The following SMARCA2 variants were observed in gnomAD, a reference collection of about 807,000 sequenced individuals.
SMARCA2 encodes the protein SWI/SNF-related matrix-associated actin-dependent regulator of chromatin subfamily A member 2.
Under a neutral mutation model 199.8 loss-of-function variants are expected in SMARCA2, and 61 were observed. The ratio of observed to expected loss-of-function variants is 0.31; its 90% CI spans 0.25 to 0.38. The LOEUF is 0.38. Ranked by LOEUF, SMARCA2 falls within the 10% of genes least tolerant of loss-of-function variation. The pLI is 1.00. For missense variants in SMARCA2, 1,344 were observed against 2,012.2 expected (o/e 0.67, Z 6.35); for synonymous variants, 935 against 732.0 (o/e 1.28, Z -4.48).
In SMARCA2 at chr9:2,163,361, C is replaced by T. The variant is rs149415952; in HGVS notation, c.4199+1458C>T. ...CCCCATTCTCTTGGGTTTGGACCAACGGTTCATTAATGAAGGGGAATGACA... is the reference window on the plus strand; with the variant it reads ...CCCCATTCTCTTGGGTTTGGACCAATGGTTCATTAATGAAGGGGAATGACA... On this transcript the variant is annotated intron_variant, in intron 28 of 33. Transcript: ENST00000349721. Among the ~76,000 whole-genome samples, 17 of 152,288 alleles carry T rather than the reference C, an allele frequency of 1.1e-4. No homozygotes were observed. In the South Asian group the frequency reaches 2.3e-3, roughly 20 times the overall value.
intron 10 of SMARCA2, 63 bp downstream of exon 10, chr9:2,070,534 C>T (rs1821045347): frequency 2.5e-6 from 3 of 1,192,326 alleles, no homozygotes; most frequent in South Asian, 1.2e-5. Flanking sequence ...TACCTGGCAG[C>T]ACCATTCTTC....
intron 27 of SMARCA2, among the ~76,000 whole-genome samples, chr9:2,156,615 G>C (rs1299675465): frequency 6.6e-6 from 1 of 151,894 alleles, no homozygotes; most frequent in Non-Finnish European, 1.5e-5. Flanking sequence ...ATTTTTAGTA[G>C]AGATGGGGCT....
intron 27 of SMARCA2, among the ~76,000 whole-genome samples, chr9:2,153,810 CTG>C (rs148574286): frequency 0.063 from 9,448 of 150,366 alleles, 517 homozygotes; most frequent in African/African-American, 0.15. Flanking sequence ...CTATGCAAAG[CTG>C]TGTGTGTGTG....
intron 5 of SMARCA2, among the ~76,000 whole-genome samples, chr9:2,051,878 A>G (rs1220958271): frequency 1.3e-5 from 2 of 152,074 alleles, no homozygotes; most frequent in South Asian, 2.1e-4. Context: ...TTTTTTCTTT[A>G]CATCTTAATT....
intron 27 of SMARCA2, among the ~76,000 whole-genome samples, chr9:2,144,776 G>A (rs1020409080): frequency 6.6e-6 from 1 of 152,086 alleles, no homozygotes; most frequent in African/African-American, 2.4e-5. Flanking sequence ...GCCTCCAGAG[G>A]TCATTAAGAG....
chr9:2,020,970 G>C (rs916467775), intron 1 of SMARCA2, among the ~76,000 whole-genome samples: 2 of 152,142 alleles, frequency 1.3e-5, no homozygotes, highest in Non-Finnish European at 2.9e-5. Context: ...TTGAAGCCTA[G>C]TATGAATTAG....
chr9:2,095,654 C>A (rs1822245729), intron 19 of SMARCA2, among the ~76,000 whole-genome samples: 1 of 152,168 alleles, frequency 6.6e-6, no homozygotes, highest in Admixed American at 6.5e-5. Flanking sequence ...AATTGTGCTT[C>A]CATGTGGCCT....
Position 2,119,723 on chromosome 9 carries a change from T to G in SMARCA2, c.3762+188T>G, listed in dbSNP as rs1823371844. 6.6e-6 allele frequency among the ~76,000 whole-genome samples: 1 copy of G among 152,094 alleles called. No homozygotes were observed. Among genetic ancestry groups the G allele is most frequent in the Non-Finnish European group, 1.5e-5 (1 of 68,014 alleles). ...CATATTTTGTTTGGCCCACGCAGCG[T>G]TTTTTAAAATTTCCCATTCATTGCC... is the stretch of plus-strand genomic sequence containing the variant. On this transcript the variant is annotated intron_variant, in intron 26 of 33. Transcript: ENST00000349721. This position sits in a 1 kb window ranked among gnomAD's most constrained non-coding sequence, Gnocchi z 4.6.
intron 31 of SMARCA2, 46 bp from the exon 32 acceptor site, chr9:2,186,050 G>C (rs577070070): frequency 6.3e-7 from 1 of 1,593,406 alleles, no homozygotes; most frequent in East Asian, 2.2e-5. Flanking sequence ...TCACTGCCAT[G>C]GTAACTCAGC....
rs77882271 is a variant in SMARCA2, at chr9:2,109,633, G to T, written c.3293-621G>T. On this transcript the variant is annotated intron_variant, in intron 23 of 33. Transcript: ENST00000349721. ...AGAAACAGACTAAGAGATTTCTTGT[G>T]GGGGGGGTGGGGATTATTGTGGCTT... is the stretch of plus-strand genomic sequence containing the variant. Among the ~76,000 whole-genome samples the T allele has an allele frequency of 2.2e-4, 16 of 71,144 alleles. No individual in the cohort carries two copies. In the African/African-American group the frequency reaches 3.8e-3, roughly 17 times the overall value. 46.7% of individuals were successfully genotyped at this position (71,144 alleles called of 152,430 possible).
chr9:2,087,958 T>C (rs1333108051), intron 18 of SMARCA2, among the ~76,000 whole-genome samples: 1 of 152,156 alleles, frequency 6.6e-6, no homozygotes, highest in African/African-American at 2.4e-5. Flanking sequence ...AAACTTGAAC[T>C]AGATAGGGCT....
chr9:2,146,736 C>T (rs1432902333), intron 27 of SMARCA2, among the ~76,000 whole-genome samples: 1 of 152,090 alleles, frequency 6.6e-6, no homozygotes, highest in Non-Finnish European at 1.5e-5. Flanking sequence ...TTTTTCATGC[C>T]TCCCCTTTTT....
chr9:2,146,677 T>G (rs957026046), intron 27 of SMARCA2, among the ~76,000 whole-genome samples: 2 of 152,222 alleles, frequency 1.3e-5, no homozygotes, highest in Non-Finnish European at 2.9e-5. Flanking sequence ...GGCTGCTGCT[T>G]GCCCATTTTT....
chr9:2,059,877 C>T (rs566204635), intron 8 of SMARCA2, among the ~76,000 whole-genome samples: 16 of 151,964 alleles, frequency 1.1e-4, no homozygotes, highest in Non-Finnish European at 2.4e-4. Context: ...CTCCTTTTAT[C>T]GTGGCATTAC....
intron 27 of SMARCA2, among the ~76,000 whole-genome samples, chr9:2,141,049 C>T (rs951999202): frequency 1.4e-4 from 21 of 152,266 alleles, no homozygotes; most frequent in African/African-American, 4.8e-4. Flanking sequence ...TGTCACCTCT[C>T]ATGTAGTCAA....
chr9:2,151,133 A>C (rs1320294177), intron 27 of SMARCA2, among the ~76,000 whole-genome samples: 1 of 151,498 alleles, frequency 6.6e-6, no homozygotes, highest in Non-Finnish European at 1.5e-5. Context: ...TGACACATGT[A>C]CATTTTGATC....
At chr9:2,094,053 A>G (rs1822170664) in intron 19 of SMARCA2, among the ~76,000 whole-genome samples, 1 of 152,220 alleles carries the variant, frequency 6.6e-6, no homozygotes, top group Non-Finnish European at 1.5e-5. Flanking sequence ...TGATTGGGAA[A>G]GATCTTAAAA....
chr9:2,187,959 A>G (rs1030400791), intron 32 of SMARCA2, among the ~76,000 whole-genome samples: 5 of 152,074 alleles, frequency 3.3e-5, no homozygotes, highest in Non-Finnish European at 7.4e-5. Context: ...AAACAAATTT[A>G]TGTGTGGAAA....
chr9:2,152,219 AT>A (rs1825114271), intron 27 of SMARCA2, among the ~76,000 whole-genome samples: 1 of 152,214 alleles, frequency 6.6e-6, no homozygotes, highest in African/African-American at 2.4e-5. Context: ...TTTCATGCTG[AT>A]GAGATAGATC....
Sources: allele counts gnomAD v4.1 joint callset (sites outside exome capture counted in the v4.1 genomes callset), GRCh38; gene constraint gnomAD v4.1.1; non-coding constraint Gnocchi (gnomAD v3.1); transcripts MANE v1.5; gene names NCBI Gene and HGNC (gene_info 2026-07-23, HGNC 2026-07-21).